AFF3: variants seen among roughly 807,000 people sequenced by gnomAD.
The protein encoded by AFF3 is ALF transcription elongation factor 3.
Under a neutral mutation model 129.7 loss-of-function variants are expected in AFF3, and 32 were observed. That is an observed-to-expected ratio of 0.25 (90% CI 0.19 to 0.33). The LOEUF is 0.33. Ranked by LOEUF, AFF3 falls within the 10% of genes least tolerant of loss-of-function variation. The pLI is 1.00. For missense variants in AFF3, 1,373 were observed against 1,592.0 expected (o/e 0.86, Z 2.34); for synonymous variants, 644 against 635.4 (o/e 1.01, Z -0.20).
chr2:99,629,379 G>A (rs1414556839), intron 13 of AFF3, among the ~76,000 whole-genome samples: 1 of 152,158 alleles, frequency 6.6e-6, no homozygotes, highest in African/African-American at 2.4e-5. Flanking sequence ...GCTGAGCCGA[G>A]AGCCACATCA....
chr2:99,840,891 G>C (rs946829054), intron 7 of AFF3, among the ~76,000 whole-genome samples: 6 of 152,194 alleles, frequency 3.9e-5, no homozygotes, highest in Non-Finnish European at 8.8e-5. Flanking sequence ...ATTAGAAAAT[G>C]TACCGTCAAA....
intron 13 of AFF3, among the ~76,000 whole-genome samples, chr2:99,647,002 A>C (rs1684754128): frequency 6.6e-6 from 1 of 152,216 alleles, no homozygotes; most frequent in South Asian, 2.1e-4. Context: ...AAAAAACAAC[A>C]GATGCTGGAG....
At chr2:99,876,775 A>G (rs940485312) in intron 7 of AFF3, among the ~76,000 whole-genome samples, 3 of 152,148 alleles carry the variant, frequency 2.0e-5, no homozygotes, top group African/African-American at 2.4e-5. Context: ...AAGCTCTAGT[A>G]ACATGGATCT....
chr2:100,007,182 A>T lies in AFF3; in HGVS notation c.453T>A (p.Ala151=). Residue 151 remains alanine, a synonymous_variant, in exon 6 of 25, where the codon GCT becomes GCA. Transcript: ENST00000672756. ...GTTGGCCGTCAGAGGGTGGGTGCCC[A>T]GCCTTCTGCCAGCCCATAGTGCCTC... ...SKRGTMGWQK[A]GHPPSDGQQR... is the part of the protein sequence containing the mutation. 3.1e-6 allele frequency: 5 copies of T among 1,614,188 alleles called. No individual in the cohort carries two copies. Among genetic ancestry groups the T allele is most frequent in the Non-Finnish European group, 4.2e-6 (5 of 1,180,032 alleles).
chr2:99,599,198 T>C (rs1490125221), intron 14 of AFF3, among the ~76,000 whole-genome samples: 1 of 152,258 alleles, frequency 6.6e-6, no homozygotes, highest in Non-Finnish European at 1.5e-5. Flanking sequence ...TTTGTAATTA[T>C]CTCAGTGACA....
intron 7 of AFF3, among the ~76,000 whole-genome samples, chr2:99,949,837 TG>T (rs1675977187): frequency 6.6e-6 from 1 of 152,176 alleles, no homozygotes; most frequent in Admixed American, 6.5e-5. Flanking sequence ...GCCCAGGGGT[TG>T]GGGACTCTTG....
intron 13 of AFF3, among the ~76,000 whole-genome samples, chr2:99,611,010 C>T (rs868631915): frequency 6.6e-6 from 1 of 152,122 alleles, no homozygotes; most frequent in Non-Finnish European, 1.5e-5. Context: ...CTCTGTTGTT[C>T]CTATCAGGCA....
intron 8 of AFF3, 46 bp downstream of exon 8, chr2:99,837,431 G>A: frequency 1.3e-6 from 2 of 1,566,626 alleles, no homozygotes; most frequent in Non-Finnish European, 8.8e-7. Flanking sequence ...TCTATTTAGA[G>A]TCTATGTCCC....
chr2:99,913,896 A>G (rs1336948694), intron 7 of AFF3, among the ~76,000 whole-genome samples: 3 of 152,246 alleles, frequency 2.0e-5, no homozygotes. Flanking sequence ...CTGATTAAAT[A>G]TAAATAAGGT....
chr2:99,742,934 AACATTTAAATTCAATGGTGAGAC>A (rs1447645352), intron 10 of AFF3, among the ~76,000 whole-genome samples: 1 of 152,208 alleles, frequency 6.6e-6, no homozygotes, highest in African/African-American at 2.4e-5. Flanking sequence ...CTTTACCCTG[AACATTTAAATTCAATGGTGAGAC>A]ACAGGGAGGA....
chr2:99,844,339 G>A (rs1360368736), intron 7 of AFF3, among the ~76,000 whole-genome samples: 1 of 151,618 alleles, frequency 6.6e-6, no homozygotes, highest in Non-Finnish European at 1.5e-5. Flanking sequence ...CCTCTATTTG[G>A]CTCTGTAATA....
At chr2:99,823,694 A>G (rs897664697) in intron 8 of AFF3, among the ~76,000 whole-genome samples, 4 of 152,226 alleles carry the variant, frequency 2.6e-5, no homozygotes, top group African/African-American at 9.6e-5. Flanking sequence ...AAGACATGGA[A>G]TCAGTCTCCA....
At chr2:100,102,333 A>C (rs900943580) in intron 4 of AFF3, among the ~76,000 whole-genome samples, 1 of 150,690 alleles carries the variant, frequency 6.6e-6, no homozygotes, top group African/African-American at 2.4e-5. Context: ...GTAATTCTAC[A>C]TCTGCAAAAC....
chr2:100,001,838 C>T (rs1459094646), intron 7 of AFF3, among the ~76,000 whole-genome samples: 1 of 152,254 alleles, frequency 6.6e-6, no homozygotes, highest in Non-Finnish European at 1.5e-5. Context: ...CCCATCTAAA[C>T]TACAGAAACC....
chr2:99,661,686 A>G (rs1686242328), intron 12 of AFF3, among the ~76,000 whole-genome samples: 1 of 152,198 alleles, frequency 6.6e-6, no homozygotes, highest in African/African-American at 2.4e-5. Context: ...TGACCATTTC[A>G]ATTTTGGAAA....
intron 7 of AFF3, among the ~76,000 whole-genome samples, chr2:99,947,641 T>C (rs147406059): frequency 0.17 from 24,890 of 142,268 alleles, 2,824 homozygotes; most frequent in African/African-American, 0.31. Flanking sequence ...GATAGATAGA[T>C]AGATAGATAG....
In AFF3 at chr2:99,731,767, T is replaced by C. The variant is rs114308411; in HGVS notation, c.1040-4639A>G. Among the ~76,000 whole-genome samples, 553 of 152,358 alleles carry C rather than the reference T, an allele frequency of 3.6e-3. 1 individual carries two copies. The highest frequency in any genetic ancestry group is 0.013 in the African/African-American group (527 of 41,588). ...AGACCTGAACAGGAGGCAATGTCAC[T>C]AAGGTAGAATGAGTGCAAATGTTCC... On this transcript the variant is annotated intron_variant, in intron 10 of 24. Coordinates refer to ENST00000672756, the MANE Select transcript of AFF3 (RefSeq NM_001386135.1).
At chr2:99,716,764 G>A (rs950190381) in intron 11 of AFF3, among the ~76,000 whole-genome samples, 31 of 151,626 alleles carry the variant, frequency 2.0e-4, no homozygotes, top group East Asian at 1.9e-4. Flanking sequence ...CCCTGTAATC[G>A]CAGCTACTTT....
chr2:99,664,049 A>AT (rs1300451844), intron 12 of AFF3, among the ~76,000 whole-genome samples: 4 of 152,168 alleles, frequency 2.6e-5, no homozygotes, highest in African/African-American at 4.8e-5. Flanking sequence ...AATCTATTAA[A>AT]TTTTTTTAAT....
Sources: gnomAD v4.1 joint callset for allele counts (sites outside exome capture counted in the v4.1 genomes callset) on GRCh38, gnomAD v4.1.1 for gene constraint, MANE v1.5 for transcripts, NCBI Gene and HGNC (gene_info 2026-07-23, HGNC 2026-07-21) for gene names.